Variants in ZFAND3 observed in about 807,000 individuals in gnomAD.
ZFAND3 encodes AN1-type zinc finger protein 3.
Under a neutral mutation model 29.6 loss-of-function variants are expected in ZFAND3, and 10 were observed. That is an observed-to-expected ratio of 0.34 (90% CI 0.21 to 0.57). ZFAND3 has a LOEUF of 0.57. ZFAND3 is among the 20% of genes least tolerant of loss of function. The probability of loss-of-function intolerance (pLI) is 0.86; values close to 1 mark genes in which losing one functional copy is unlikely to be tolerated. For synonymous variants in ZFAND3, 128 were observed against 112.6 expected (o/e 1.14, Z -0.87); for missense variants, 230 against 304.5 (o/e 0.76, Z 1.82).
At chr6:37,943,155 G>A (rs746278819) in intron 2 of ZFAND3, among the ~76,000 whole-genome samples, 9 of 152,140 alleles carry the variant, frequency 5.9e-5, no homozygotes, top group Admixed American at 2.0e-4. Flanking sequence ...TGGACTAAGT[G>A]AAACTAAACA....
At chr6:38,075,536 T>A (rs1233785079) in intron 3 of ZFAND3, among the ~76,000 whole-genome samples, 1 of 152,222 alleles carries the variant, frequency 6.6e-6, no homozygotes, top group Non-Finnish European at 1.5e-5. Flanking sequence ...AGTGGTTTCT[T>A]GAGATGGAAT....
At chr6:38,151,561 T>G (rs1766227273) in intron 5 of ZFAND3, among the ~76,000 whole-genome samples, 1 of 151,678 alleles carries the variant, frequency 6.6e-6, no homozygotes, top group Non-Finnish European at 1.5e-5. Context: ...GAAGGACAGC[T>G]GGGGGCCCGA....
rs546434478 is a variant in ZFAND3 at position 38,066,914 on chromosome 6, A to T, written c.295+5139A>T. 5.3e-5 allele frequency among the ~76,000 whole-genome samples: 8 copies of T among 152,314 alleles called. No individual in the cohort carries two copies. The East Asian group carries it at 1.5e-3, about 29-fold the overall frequency. On this transcript the variant is annotated intron_variant, in intron 3 of 5. Transcript: ENST00000287218. The stretch of plus-strand genomic sequence containing the variant: ...TATTTCTGTATCTGAACATAAACAT[A>T]TGTCTCCCTGTCCCAAACTGTGTGT...
intron 2 of ZFAND3, among the ~76,000 whole-genome samples, chr6:37,950,959 C>T (rs1761987680): frequency 6.6e-6 from 1 of 152,120 alleles, no homozygotes; most frequent in Non-Finnish European, 1.5e-5. Flanking sequence ...TGCCTCGGGC[C>T]GTATGGCCAT....
At chr6:38,065,356 C>G (rs145295017) in intron 3 of ZFAND3, among the ~76,000 whole-genome samples, 85 of 151,470 alleles carry the variant, frequency 5.6e-4, no homozygotes, top group East Asian at 1.9e-3. Context: ...TGAGGATAAA[C>G]CTGTGAGTGA....
chr6:37,922,451 T>A (rs1761401053), intron 1 of ZFAND3, among the ~76,000 whole-genome samples: 1 of 152,158 alleles, frequency 6.6e-6, no homozygotes, highest in Non-Finnish European at 1.5e-5. Context: ...ATTGAAAAAA[T>A]GATATCTGTA....
At chr6:38,030,039 G>A (rs1763523005) in intron 2 of ZFAND3, among the ~76,000 whole-genome samples, 1 of 122,336 alleles carries the variant, frequency 8.2e-6, no homozygotes. Context: ...TTCTTGTTAT[G>A]TAGTTCTGCT....
At chr6:38,081,627 G>T (rs1380868749) in intron 3 of ZFAND3, among the ~76,000 whole-genome samples, 2 of 151,964 alleles carry the variant, frequency 1.3e-5, no homozygotes, top group Non-Finnish European at 2.9e-5. Flanking sequence ...GCCCATCCCA[G>T]GGCATGTCAT....
chr6:38,108,786 T>G (rs548411853), intron 4 of ZFAND3, among the ~76,000 whole-genome samples: 1 of 152,188 alleles, frequency 6.6e-6, no homozygotes, highest in Non-Finnish European at 1.5e-5. Context: ...AACAATACTT[T>G]ATCAGCCATC....
intron 4 of ZFAND3, among the ~76,000 whole-genome samples, chr6:38,109,255 T>G (rs1031617291): frequency 6.6e-6 from 1 of 150,482 alleles, no homozygotes; most frequent in Non-Finnish European, 1.5e-5. Context: ...CGATCTTGGC[T>G]CACTGCAACC....
intron 1 of ZFAND3, among the ~76,000 whole-genome samples, chr6:37,860,038 ATT>A (rs367545879): frequency 3.7e-5 from 5 of 134,202 alleles, no homozygotes; most frequent in Admixed American, 7.5e-5. Flanking sequence ...CGCCCAGCTA[ATT>A]TTTTTTTTTT....
chr6:38,009,460 G>C (rs1394275540), intron 2 of ZFAND3, among the ~76,000 whole-genome samples: 1 of 152,156 alleles, frequency 6.6e-6, no homozygotes, highest in Admixed American at 6.5e-5. Context: ...GCAGTCTTCA[G>C]TGTAAATATC....
intron 1 of ZFAND3, among the ~76,000 whole-genome samples, chr6:37,826,492 G>A (rs1025477507): frequency 5.3e-5 from 8 of 152,072 alleles, no homozygotes; most frequent in Non-Finnish European, 1.2e-4. Context: ...TGTGGCTGGC[G>A]GCTGTAAACC....
Position 38,122,599 on chromosome 6 carries a change from T to C in ZFAND3, c.529+5860T>C, listed in dbSNP as rs555514509. The stretch of plus-strand genomic sequence containing the variant: ...GATTTGGGAGCATTCCCTTATTCTT[T>C]GGCGTAACAGCATGTGTCCCTAAAT... On this transcript the variant is annotated intron_variant, in intron 5 of 5. Coordinates refer to ENST00000287218, the MANE Select transcript of ZFAND3 (RefSeq NM_021943.3). Among the ~76,000 whole-genome samples the C allele has an allele frequency of 2.0e-5, 3 of 152,310 alleles. No homozygotes were observed. In the South Asian group the frequency reaches 6.2e-4, roughly 32 times the overall value.
intron 1 of ZFAND3, among the ~76,000 whole-genome samples, chr6:37,894,627 C>A (rs750353259): frequency 3.3e-5 from 5 of 152,190 alleles, no homozygotes; most frequent in Non-Finnish European, 5.9e-5. Flanking sequence ...CTGGCTTAGC[C>A]TCCCAAAATG....
intron 4 of ZFAND3, among the ~76,000 whole-genome samples, chr6:38,110,359 G>A (rs980871560): frequency 1.4e-4 from 21 of 152,106 alleles, no homozygotes; most frequent in Admixed American, 2.6e-4. Context: ...GGCACACAGA[G>A]TAAAATGTCA....
At chr6:38,123,554 A>C (rs929233495) in intron 5 of ZFAND3, among the ~76,000 whole-genome samples, 16 of 152,162 alleles carry the variant, frequency 1.1e-4, no homozygotes, top group Non-Finnish European at 1.5e-4. Context: ...TATGACCAAA[A>C]CTGATTTGAC....
At chr6:38,085,501 G>A (rs1292705026) in intron 4 of ZFAND3, among the ~76,000 whole-genome samples, 2 of 152,232 alleles carry the variant, frequency 1.3e-5, no homozygotes, top group Non-Finnish European at 2.9e-5. Flanking sequence ...TCTGAGGTGT[G>A]TGGAGAAAAT....
rs1321603500 is a variant in ZFAND3, at chr6:38,138,266, G to C, written c.530-13969G>C. Reference sequence around the variant, plus strand: ...AAAATAGACAGTGGTGGTGGTTGCTGGGCTTCTGGAGAGGGTAACAGAATG... The same window carrying C: ...AAAATAGACAGTGGTGGTGGTTGCTCGGCTTCTGGAGAGGGTAACAGAATG... On this transcript the variant is annotated intron_variant, in intron 5 of 5. Transcript: ENST00000287218. 2.6e-5 allele frequency among the ~76,000 whole-genome samples: 4 copies of C among 152,270 alleles called. No individual in the cohort carries two copies. In the South Asian group the frequency reaches 8.3e-4, roughly 32 times the overall value.
Sources: allele counts gnomAD v4.1 joint callset (sites outside exome capture counted in the v4.1 genomes callset), GRCh38; gene constraint gnomAD v4.1.1; transcripts MANE v1.5; gene names NCBI Gene and HGNC (gene_info 2026-07-23, HGNC 2026-07-21).